Variants in EDEM3 observed in about 807,000 individuals in gnomAD.
EDEM3 encodes the protein ER degradation-enhancing alpha-mannosidase-like protein 3.
In EDEM3, 60 loss-of-function variants were observed where a neutral mutation model predicts 110.2. The observed-to-expected ratio is 0.54, with a 90% CI of 0.44 to 0.67. The LOEUF (loss-of-function observed/expected upper bound fraction) is 0.67, where lower values mean the gene tolerates loss of function less well. EDEM3 is among the 30% of genes least tolerant of loss of function. The pLI, the probability that EDEM3 is intolerant of heterozygous loss-of-function variation, is 0.00. For missense variants in EDEM3, 996 were observed against 1,121.0 expected (o/e 0.89, Z 1.59); for synonymous variants, 352 against 382.9 (o/e 0.92, Z 0.94).
intron 1 of EDEM3, among the ~76,000 whole-genome samples, chr1:184,753,685 T>C (rs1482772222): frequency 6.6e-6 from 1 of 152,222 alleles, no homozygotes; most frequent in Non-Finnish European, 1.5e-5. Flanking sequence ...AGCTAGCTCC[T>C]CGTTTTAATC....
At chr1:184,749,618 A>T in intron 1 of EDEM3, 26 bp from the exon 2 acceptor site, 6 of 302,964 alleles carry the variant, frequency 2.0e-5, no homozygotes, top group South Asian at 1.2e-4. Flanking sequence ...CAGAAATGGA[A>T]AAAAAAAAAA....
At chr1:184,740,987 T>G (rs1238751015) in intron 2 of EDEM3, among the ~76,000 whole-genome samples, 1 of 151,952 alleles carries the variant, frequency 6.6e-6, no homozygotes, top group Non-Finnish European at 1.5e-5. Context: ...TAGAAAGGAG[T>G]ATGCCAATTC....
chr1:184,730,238 T>C (rs1431051068), intron 6 of EDEM3, among the ~76,000 whole-genome samples: 1 of 152,158 alleles, frequency 6.6e-6, no homozygotes, highest in Non-Finnish European at 1.5e-5. Flanking sequence ...CCTCTTCGAG[T>C]AATTTATCCT....
intron 8 of EDEM3, among the ~76,000 whole-genome samples, chr1:184,723,003 T>C (rs114595270): frequency 1.5e-3 from 234 of 152,094 alleles, no homozygotes; most frequent in African/African-American, 5.3e-3. Context: ...ATAATTTTCT[T>C]AGCTTTTTTT....
intron 19 of EDEM3, among the ~76,000 whole-genome samples, chr1:184,698,071 A>G (rs559102264): frequency 6.6e-6 from 1 of 151,956 alleles, no homozygotes; most frequent in East Asian, 1.9e-4. Flanking sequence ...AATGCAAAAC[A>G]TATGACTAGG....
chr1:184,695,166 A>G (rs548654839), intron 19 of EDEM3, among the ~76,000 whole-genome samples: 4 of 152,052 alleles, frequency 2.6e-5, no homozygotes, highest in Non-Finnish European at 5.9e-5. Flanking sequence ...CATTTTATTT[A>G]GGGTTCCTAC....
At chr1:184,746,494 C>T (rs1418646969) in intron 2 of EDEM3, among the ~76,000 whole-genome samples, 5 of 152,182 alleles carry the variant, frequency 3.3e-5, no homozygotes, top group Non-Finnish European at 7.4e-5. Flanking sequence ...CATCATGCTT[C>T]CTATTTGCCA....
Position 184,732,874 on chromosome 1 carries a change from G to A in EDEM3, c.575C>T (p.Pro192Leu), listed in dbSNP as rs41264582. ...AAGGCCACTGGTAGTGTTGAAAGCC[G>A]GTAAAAGTTTGTAACCTAACTGCTT... ...MAKQLGYKLLPAFNTTSGLPY... is the reference protein window; with the variant it reads ...MAKQLGYKLLLAFNTTSGLPY... The change falls in exon 6 of 20, where the codon CCG becomes CTG. Residue 192 changes from proline to leucine, a missense_variant. By Grantham distance (98) the Pro-to-Leu change is moderately conservative (BLOSUM62 -3). Transcript: ENST00000318130. 21,243 of 1,613,488 alleles carry A rather than the reference G, an allele frequency of 0.013. 172 individuals are homozygous for A. Among genetic ancestry groups the A allele is most frequent in the Non-Finnish European group, 0.016 (18,633 of 1,179,634 alleles).
intron 13 of EDEM3, among the ~76,000 whole-genome samples, chr1:184,716,247 A>G (rs1650539191): frequency 6.6e-6 from 1 of 152,174 alleles, no homozygotes; most frequent in African/African-American, 2.4e-5. Context: ...CTCAGTAAAT[A>G]TTTCTGGAAT....
At chr1:184,705,130 A>C (rs569051571) in intron 18 of EDEM3, among the ~76,000 whole-genome samples, 1 of 152,098 alleles carries the variant, frequency 6.6e-6, no homozygotes, top group Non-Finnish European at 1.5e-5. Flanking sequence ...TGAGAATTAG[A>C]CTTCACTGAA....
At chr1:184,707,851 G>C (rs779206342) in intron 17 of EDEM3, among the ~76,000 whole-genome samples, 4 of 152,256 alleles carry the variant, frequency 2.6e-5, no homozygotes, top group South Asian at 2.1e-4. Context: ...AAAGGTTCTA[G>C]TGGCTCTTAG....
At chr1:184,732,182 C>A (rs75254845) in intron 6 of EDEM3, among the ~76,000 whole-genome samples, 16,095 of 149,022 alleles carry the variant, frequency 0.11, 1,798 homozygotes, top group African/African-American at 0.29. Context: ...TTCCCCCCCA[C>A]CAAAAAAAAG....
chr1:184,732,190 A>C (rs913930180), intron 6 of EDEM3, among the ~76,000 whole-genome samples: 1 of 152,110 alleles, frequency 6.6e-6, no homozygotes, highest in African/African-American at 2.4e-5. Flanking sequence ...CACCAAAAAA[A>C]AGAAATAAGC....
At chr1:184,737,493 T>C (rs1651896981) in intron 3 of EDEM3, 118 bp downstream of exon 3, 1 of 828,378 alleles carries the variant, frequency 1.2e-6, no homozygotes, top group Middle Eastern at 2.3e-4. Context: ...ATGTAATACA[T>C]AAAACAGTCT....
chr1:184,721,418 A>AT, intron 8 of EDEM3, 32 bp from the exon 9 acceptor site: 2 of 1,548,800 alleles, frequency 1.3e-6, no homozygotes, highest in East Asian at 2.3e-5. Flanking sequence ...TTTTCATTAA[A>AT]TTTTTTTAAA....
chr1:184,722,083 T>C (rs1650933370), intron 8 of EDEM3, among the ~76,000 whole-genome samples: 1 of 152,072 alleles, frequency 6.6e-6, no homozygotes, highest in South Asian at 2.1e-4. Context: ...ATTTGCATTA[T>C]AAATGCATTA....
chr1:184,698,671 C>A (rs1055879435), intron 19 of EDEM3, among the ~76,000 whole-genome samples: 1 of 151,664 alleles, frequency 6.6e-6, no homozygotes, highest in African/African-American at 2.4e-5. Flanking sequence ...TAATTTGTTA[C>A]AAGTTTAATT....
intron 19 of EDEM3, among the ~76,000 whole-genome samples, chr1:184,698,191 A>T (rs1458609117): frequency 2.0e-5 from 3 of 151,858 alleles, no homozygotes; most frequent in Non-Finnish European, 4.4e-5. Context: ...GTGAATTGCT[A>T]CAACCTTTTT....
chr1:184,738,721 A>C (rs867106434), intron 2 of EDEM3, among the ~76,000 whole-genome samples: 5 of 152,206 alleles, frequency 3.3e-5, no homozygotes, highest in African/African-American at 9.6e-5. Context: ...TAATAAGGAT[A>C]AACATCTTTT....
Sources: allele counts gnomAD v4.1 joint callset (sites outside exome capture counted in the v4.1 genomes callset), GRCh38; gene constraint gnomAD v4.1.1; transcripts MANE v1.5; gene names NCBI Gene and HGNC (gene_info 2026-07-23, HGNC 2026-07-21).